The following MEGF6 variants were observed in gnomAD, a reference collection of about 807,000 sequenced individuals.
MEGF6 encodes multiple EGF like domains 6.
Under a neutral mutation model 207.1 loss-of-function variants are expected in MEGF6, and 184 were observed. The observed-to-expected ratio is 0.89, with a 90% CI of 0.79 to 1.00. MEGF6 has a LOEUF of 1.00. MEGF6 is among the 50% of genes least tolerant of loss of function. MEGF6 has a pLI of 0.00. For missense variants in MEGF6, 2,282 were observed against 2,202.9 expected, an observed-to-expected ratio of 1.04 and a Z score of -0.72; for synonymous variants, 1,038 against 910.0, an observed-to-expected ratio of 1.14 and a Z score of -2.53.
At chr1:3,605,528 TCA>T (rs983224937) in intron 1 of MEGF6, among the ~76,000 whole-genome samples, 6 of 133,784 alleles carry the variant, frequency 4.5e-5, no homozygotes, top group East Asian at 2.3e-4. Flanking sequence ...ACATTCACAC[TCA>T]CACACAATCA....
chr1:3,565,441 C>T lies in MEGF6; in HGVS notation c.481+14384G>A, dbSNP rs901521176. Among the ~76,000 whole-genome samples, 6 of 152,174 alleles carry T rather than the reference C, an allele frequency of 3.9e-5. No homozygotes were observed. The highest frequency in any genetic ancestry group is 1.4e-4 in the African/African-American group (6 of 41,444). ...GTGCCAGCGCCCCACCCTGAGCACG[C>T]GGCAAGAAGGGAGGTGGGGACCCCT... On this transcript the variant is annotated intron_variant, in intron 4 of 36. Coordinates refer to ENST00000356575, the MANE Select transcript of MEGF6 (RefSeq NM_001409.4). The surrounding 1 kb of genome is among the most constrained non-coding windows in gnomAD (Gnocchi z 4.8).
chr1:3,499,415 C>G, intron 23 of MEGF6, 149 bp from the exon 24 acceptor site: 2 of 1,401,290 alleles, frequency 1.4e-6, no homozygotes, highest in African/African-American at 1.4e-5. Context: ...ACCCACTCAG[C>G]AGAGTGGCCA....
chr1:3,616,963 C>T, the MEGF6 span, among the ~76,000 whole-genome samples: 2 of 152,224 alleles, frequency 1.3e-5, no homozygotes, highest in African/African-American at 4.8e-5. Context: ...AGCGTTTGAA[C>T]CATGGTACCA....
At chr1:3,552,365 A>G (rs865775650) in intron 4 of MEGF6, among the ~76,000 whole-genome samples, 6 of 152,342 alleles carry the variant, frequency 3.9e-5, no homozygotes, top group South Asian at 2.1e-4. Flanking sequence ...GGAGGGCAAC[A>G]GGACTGGGGT....
Position 3,492,767 on chromosome 1 carries a change from T to C in MEGF6, c.4388A>G (p.Asp1463Gly), listed in dbSNP as rs1433031700. ...GGGCCCAAACTGGCCCCTTCTGCAA[T>C]CTGCAAGGCGGAGGGGGCGGGAGAC... ...PGRSGATCNL[D>G]CRRGQFGPSC... The change falls in exon 35 of 37, where the codon GAT (aspartate) becomes GGT (glycine). Residue 1463 changes from aspartate (D) to glycine (G), a missense_variant and splice_region_variant. Physicochemically the swap from Asp to Gly is moderately conservative, Grantham distance 94. Coordinates refer to ENST00000356575, the MANE Select transcript of MEGF6 (RefSeq NM_001409.4). 1.2e-6 allele frequency: 2 copies of C among 1,608,522 alleles called. No individual in the cohort carries two copies. Among genetic ancestry groups the C allele is most frequent in the African/African-American group, 2.7e-5 (2 of 74,864 alleles).
intron 18 of MEGF6, 124 bp downstream of exon 18, chr1:3,501,672 G>A: frequency 7.4e-7 from 1 of 1,346,766 alleles, no homozygotes. Context: ...TGCACTGTGA[G>A]CTCTCACACC....
At chr1:3,539,326 T>C (rs1027122666) in intron 4 of MEGF6, among the ~76,000 whole-genome samples, 4 of 150,948 alleles carry the variant, frequency 2.6e-5, no homozygotes, top group African/African-American at 9.8e-5. Context: ...CAGAGATGCA[T>C]GGGGGAGGGG....
intron 1 of MEGF6, among the ~76,000 whole-genome samples, chr1:3,604,746 G>T (rs115480389): frequency 6.1e-4 from 93 of 152,218 alleles, no homozygotes; most frequent in Non-Finnish European, 8.4e-4. Flanking sequence ...GATGACTAAG[G>T]GCCAGGTCTC....
intron 4 of MEGF6, among the ~76,000 whole-genome samples, chr1:3,553,036 G>C (rs1056372517): frequency 6.6e-6 from 1 of 152,160 alleles, no homozygotes; most frequent in African/African-American, 2.4e-5. Context: ...AGACCTAGCT[G>C]CCACTAGGGC....
rs756738275 is a variant in MEGF6 at position 3,505,456 on chromosome 1, G to A, written c.2019C>T (p.Cys673=). The change falls in exon 16 of 37, where the codon TGC becomes TGT. Residue 673 remains cysteine (C), a synonymous_variant. Transcript: ENST00000356575. The part of the protein sequence containing the change: ...SCDKRDGSCS[C]KAGFRGERCQ... ...AGCGCTCGCCCCGGAAGCCAGCCTT[G>A]CAGGAGCAGCTGCCATCCCTCTTGT... The A allele has an allele frequency of 1.9e-6, 3 of 1,601,772 alleles. No homozygotes were observed. The highest frequency in any genetic ancestry group is 1.1e-5 in the South Asian group (1 of 90,782).
chr1:3,514,878 G>A (rs1049864356), intron 6 of MEGF6, among the ~76,000 whole-genome samples: 1 of 152,152 alleles, frequency 6.6e-6, no homozygotes, highest in African/African-American at 2.4e-5. Context: ...TCAGGACGCG[G>A]CCAGCCAGCC....
At chr1:3,499,447 G>T in intron 23 of MEGF6, 141 bp downstream of exon 23, 2 of 1,416,106 alleles carry the variant, frequency 1.4e-6, no homozygotes, top group Non-Finnish European at 1.9e-6. Context: ...CAACGCTCTG[G>T]CCCGAGTGAG....
intron 1 of MEGF6, among the ~76,000 whole-genome samples, chr1:3,604,169 G>C (rs765826422): frequency 8.4e-4 from 128 of 152,310 alleles, no homozygotes; most frequent in Non-Finnish European, 3.1e-4. Context: ...TCCGAGAGGG[G>C]CTGGGGCTGC....
intron 35 of MEGF6, among the ~76,000 whole-genome samples, chr1:3,491,423 T>C: frequency 6.6e-6 from 1 of 151,968 alleles, no homozygotes; most frequent in South Asian, 2.1e-4. Context: ...CAGCCTTTTG[T>C]CCCTGCACCA....
intron 5 of MEGF6, among the ~76,000 whole-genome samples, chr1:3,523,442 C>T (rs1323248969): frequency 6.6e-6 from 1 of 152,148 alleles, no homozygotes; most frequent in Non-Finnish European, 1.5e-5. Flanking sequence ...ACCCTCCCTC[C>T]CTGCGGCCAC....
chr1:3,602,710 C>A (rs1644180318), intron 1 of MEGF6, 110 bp from the exon 2 acceptor site: 2 of 1,430,398 alleles, frequency 1.4e-6, no homozygotes, highest in South Asian at 1.4e-5. Flanking sequence ...GAGGTCCAGA[C>A]CCGTGGCCAG....
chr1:3,621,707 T>G, the MEGF6 span, among the ~76,000 whole-genome samples: 2 of 152,152 alleles, frequency 1.3e-5, no homozygotes, highest in Non-Finnish European at 2.9e-5. Context: ...ATGGTAGATC[T>G]ACCAGCAGCT....
chr1:3,616,142 T>C (rs1644376607), upstream of MEGF6, among the ~76,000 whole-genome samples: 7 of 152,148 alleles, frequency 4.6e-5, no homozygotes, highest in Non-Finnish European at 1.0e-4. Flanking sequence ...GCTCCCCATG[T>C]CCGGTCCGCG....
At chr1:3,541,671 G>A (rs1211394996) in intron 4 of MEGF6, among the ~76,000 whole-genome samples, 1 of 152,166 alleles carries the variant, frequency 6.6e-6, no homozygotes, top group Non-Finnish European at 1.5e-5. Flanking sequence ...CTTCCCACAT[G>A]CCTTCCTCTC....
Sources: gnomAD v4.1 joint callset for allele counts (sites outside exome capture counted in the v4.1 genomes callset) on GRCh38, gnomAD v4.1.1 for gene constraint, Gnocchi (gnomAD v3.1) non-coding constraint, MANE v1.5 for transcripts, NCBI Gene and HGNC (gene_info 2026-07-23, HGNC 2026-07-21) for gene names.